PIEZO2: variants seen among roughly 807,000 people sequenced by gnomAD.
The protein encoded by PIEZO2 is piezo-type mechanosensitive ion channel component 2.
Under a neutral mutation model 337.3 loss-of-function variants are expected in PIEZO2, and 172 were observed. The ratio of observed to expected loss-of-function variants is 0.51; its 90% CI spans 0.45 to 0.58. The LOEUF is 0.58. Ranked by LOEUF, PIEZO2 falls within the 20% of genes least tolerant of loss-of-function variation. PIEZO2 has a pLI of 0.00. For missense variants in PIEZO2, 3,028 were observed against 3,391.3 expected, an observed-to-expected ratio of 0.89 and a Z score of 2.66; for synonymous variants, 1,251 against 1,228.5, an observed-to-expected ratio of 1.02 and a Z score of -0.38.
At chr18:10,972,674 G>C (rs757909664) in intron 3 of PIEZO2, among the ~76,000 whole-genome samples, 1 of 152,200 alleles carries the variant, frequency 6.6e-6, no homozygotes, top group Non-Finnish European at 1.5e-5. Flanking sequence ...GACTATCATA[G>C]AGAATGATTT....
intron 4 of PIEZO2, among the ~76,000 whole-genome samples, chr18:10,875,181 A>T (rs918988417): frequency 3.3e-5 from 5 of 152,150 alleles, no homozygotes; most frequent in African/African-American, 7.2e-5. Flanking sequence ...TACCCCATTT[A>T]AAAAAATGCT....
chr18:10,710,976 T>C (rs2035797625), intron 39 of PIEZO2, among the ~76,000 whole-genome samples: 1 of 152,218 alleles, frequency 6.6e-6, no homozygotes, highest in Non-Finnish European at 1.5e-5. Flanking sequence ...TAAAAATACA[T>C]TAAAACCTAA....
Position 10,973,557 on chromosome 18 carries a change from C to G in PIEZO2, c.286+5978G>C, listed in dbSNP as rs1054229489. ...TTCAGATAAATTAGACAATGGATTCCTAATCTTTTGATGCACAGGTGGCCA... is the reference window on the plus strand; with the variant it reads ...TTCAGATAAATTAGACAATGGATTCGTAATCTTTTGATGCACAGGTGGCCA... On this transcript the variant is annotated intron_variant, in intron 3 of 55. Coordinates refer to ENST00000674853, the MANE Select transcript of PIEZO2 (RefSeq NM_001378183.1). This position sits in a 1 kb window ranked among gnomAD's most constrained non-coding sequence, Gnocchi z 4.9. Among the ~76,000 whole-genome samples the G allele has an allele frequency of 6.6e-6, 1 of 152,224 alleles. No individual in the cohort carries two copies. Among genetic ancestry groups the G allele is most frequent in the Non-Finnish European group, 1.5e-5 (1 of 68,044 alleles).
rs1481931375 is a variant in PIEZO2 at position 10,896,475 on chromosome 18, T to C, written c.329+14711A>G. ...GAATTCGATTATCTGTGTGGATTTC[T>C]AAATAAATATATTTAACTGGTCAGA... On this transcript the variant is annotated intron_variant, in intron 4 of 55. Coordinates refer to ENST00000674853, the MANE Select transcript of PIEZO2 (RefSeq NM_001378183.1). 3.3e-5 allele frequency among the ~76,000 whole-genome samples: 5 copies of C among 152,350 alleles called. No homozygotes were observed. In the East Asian group the frequency reaches 9.6e-4, roughly 29 times the overall value.
chr18:11,084,176 CAAAAA>C (rs1161713844), intron 1 of PIEZO2, among the ~76,000 whole-genome samples: 24 of 64,800 alleles, frequency 3.7e-4, no homozygotes, highest in East Asian at 3.3e-3. Context: ...AACTCTGTCT[CAAAAA>C]AAAAAAAAAA....
intron 3 of PIEZO2, among the ~76,000 whole-genome samples, chr18:10,956,709 G>A (rs893601532): frequency 5.3e-5 from 8 of 152,144 alleles, no homozygotes; most frequent in Non-Finnish European, 1.0e-4. Flanking sequence ...AGTGGCTCAC[G>A]CCTATAATCC....
chr18:11,064,439 T>G (rs775013570), intron 2 of PIEZO2, among the ~76,000 whole-genome samples: 4 of 152,256 alleles, frequency 2.6e-5, no homozygotes, highest in Non-Finnish European at 5.9e-5. Context: ...CCAGTGCACC[T>G]GTTTGTGCTC....
chr18:11,031,423 C>T lies in PIEZO2; in HGVS notation c.160+34704G>A, dbSNP rs2036734637. Among the ~76,000 whole-genome samples, 1 of 151,588 alleles carries T rather than the reference C, an allele frequency of 6.6e-6. No individual in the cohort carries two copies. The highest frequency in any genetic ancestry group is 1.5e-5 in the Non-Finnish European group (1 of 67,926). ...CCACTCTTAATTCTTACATTTTATA[C>T]CAGAAAAAAAAATTAGTGAACACTA... On this transcript the variant is annotated intron_variant, in intron 2 of 55. Coordinates refer to ENST00000674853, the MANE Select transcript of PIEZO2 (RefSeq NM_001378183.1). The surrounding 1 kb of genome is among the most constrained non-coding windows in gnomAD (Gnocchi z 4.7).
chr18:10,896,078 A>G (rs2042893893), intron 4 of PIEZO2, among the ~76,000 whole-genome samples: 1 of 150,826 alleles, frequency 6.6e-6, no homozygotes, highest in Non-Finnish European at 1.5e-5. Flanking sequence ...AAAAACAAAA[A>G]CGAAAAAAAA....
intron 1 of PIEZO2, among the ~76,000 whole-genome samples, chr18:11,086,484 A>C (rs1598937430): frequency 6.7e-6 from 1 of 148,930 alleles, no homozygotes; most frequent in South Asian, 2.1e-4. Context: ...CCGCCACTGC[A>C]CTCCAGCCTG....
chr18:10,674,390 C>T (rs1005807019), intron 54 of PIEZO2, among the ~76,000 whole-genome samples: 4 of 152,366 alleles, frequency 2.6e-5, no homozygotes, highest in Admixed American at 2.6e-4. Flanking sequence ...ATGCGTCTTG[C>T]AAATACCTTG....
chr18:10,793,828 C>T (rs1305173067), intron 13 of PIEZO2, among the ~76,000 whole-genome samples: 1 of 152,110 alleles, frequency 6.6e-6, no homozygotes, highest in Non-Finnish European at 1.5e-5. Context: ...TATATTCTCA[C>T]CTCTGTCACT....
chr18:10,944,932 G>T (rs1414899860), intron 3 of PIEZO2, among the ~76,000 whole-genome samples: 1 of 152,150 alleles, frequency 6.6e-6, no homozygotes, highest in East Asian at 1.9e-4. Flanking sequence ...TTCTTGCCGT[G>T]AGATAATGTC....
At position 10,781,745 on chromosome 18, in the gene PIEZO2, CT is replaced by C. The variant is rs892872841; in HGVS notation, c.2493-1380del. Among the ~76,000 whole-genome samples, 84 of 152,096 alleles carry C rather than the reference CT, an allele frequency of 5.5e-4. No individual in the cohort carries two copies. Among genetic ancestry groups the C allele is most frequent in the African/African-American group, 1.9e-3 (77 of 41,392 alleles). The stretch of plus-strand genomic sequence containing the variant: ...CAAGTGACATGTGCCTACATTACAT[CT>C]GTGTGCATAAGCACATATACACCAA... On this transcript the variant is annotated intron_variant, in intron 17 of 55. Transcript: ENST00000674853. This position sits in a 1 kb window ranked among gnomAD's most constrained non-coding sequence, Gnocchi z 4.1.
chr18:10,965,160 A>C (rs2145403956), intron 3 of PIEZO2, among the ~76,000 whole-genome samples: 1 of 152,214 alleles, frequency 6.6e-6, no homozygotes, highest in South Asian at 2.1e-4. Flanking sequence ...GCTGAGTGAA[A>C]TTGTTAGATC....
chr18:10,836,277 C>T (rs1409603979), intron 7 of PIEZO2, among the ~76,000 whole-genome samples: 1 of 152,136 alleles, frequency 6.6e-6, no homozygotes, highest in Non-Finnish European at 1.5e-5. Context: ...CCTGTCTAAG[C>T]AAACAATCCC....
chr18:10,759,706 T>C lies in PIEZO2; in HGVS notation c.3654A>G (p.Arg1218=). The C allele has an allele frequency of 6.5e-7, 1 of 1,537,240 alleles. No individual in the cohort carries two copies. ...ICIGIPPAPC[R]DYPWRFKGAS... ...GGCTCAAGGGAAGGGCAGGCTCACC[T>C]CGGCAAGGAGCAGGTGGGATGCCAA... The change falls in exon 25 of 56, where the codon CGA becomes CGG. Residue 1218 remains arginine (R), a splice_region_variant and synonymous_variant. Transcript: ENST00000674853. This position sits in a 1 kb window ranked among gnomAD's most constrained non-coding sequence, Gnocchi z 5.5.
chr18:11,124,572 C>T (rs2040128034), intron 1 of PIEZO2, among the ~76,000 whole-genome samples: 2 of 152,104 alleles, frequency 1.3e-5, no homozygotes, highest in Non-Finnish European at 2.9e-5. Context: ...CCAGATAGTT[C>T]CTTGATGGAG....
chr18:11,144,573 G>T (rs1270668773), intron 1 of PIEZO2, among the ~76,000 whole-genome samples: 1 of 152,138 alleles, frequency 6.6e-6, no homozygotes, highest in Non-Finnish European at 1.5e-5. Flanking sequence ...ATTATGATTA[G>T]ATAGCCATAT....
Sources: gnomAD v4.1 joint callset for allele counts (sites outside exome capture counted in the v4.1 genomes callset) on GRCh38, gnomAD v4.1.1 for gene constraint, Gnocchi (gnomAD v3.1) non-coding constraint, MANE v1.5 for transcripts, NCBI Gene and HGNC (gene_info 2026-07-23, HGNC 2026-07-21) for gene names.